Variants in KMT2C observed in about 807,000 individuals in gnomAD.
The protein encoded by KMT2C is histone-lysine N-methyltransferase 2C.
In KMT2C, 88 loss-of-function variants were observed where a neutral mutation model predicts 507.9. The observed-to-expected ratio is 0.17, with a 90% CI of 0.15 to 0.21. The LOEUF (loss-of-function observed/expected upper bound fraction) is 0.21, where lower values mean the gene tolerates loss of function less well. Ranked by LOEUF, KMT2C falls within the 10% of genes least tolerant of loss-of-function variation. The probability of loss-of-function intolerance (pLI) is 1.00; values close to 1 mark genes in which losing one functional copy is unlikely to be tolerated. For missense variants in KMT2C, 4,954 were observed against 5,957.8 expected, an observed-to-expected ratio of 0.83 and a Z score of 5.55; for synonymous variants, 2,049 against 2,080.8, an observed-to-expected ratio of 0.98 and a Z score of 0.42.
chr7:152,187,721 T>C lies in KMT2C; in HGVS notation c.4787A>G (p.Asp1596Gly). 2 of 1,612,496 alleles carry C rather than the reference T, an allele frequency of 1.2e-6. No homozygotes were observed. The highest frequency in any genetic ancestry group is 1.7e-6 in the Non-Finnish European group (2 of 1,179,676). ...FSAIAQSSYP[D>G]ARDKNSAFNP... is the part of the protein sequence containing the mutation. ...TAGAAAATAAGGCTTGTACCTGGCA[T>C]CAGGATAAGAGGATTGTGCAATTGC... The change falls in exon 32 of 59, where the codon GAT (aspartate) becomes GGT (glycine). Residue 1596 changes from aspartate to glycine, a missense_variant. Asp to Gly is a moderately conservative substitution (Grantham distance 94). Transcript: ENST00000262189.
intron 1 of KMT2C, among the ~76,000 whole-genome samples, chr7:152,377,373 G>A (rs2097337009): frequency 6.6e-6 from 1 of 151,402 alleles, no homozygotes; most frequent in African/African-American, 2.4e-5. Context: ...ATGCCTGCCA[G>A]TACGATACAT....
chr7:152,416,656 G>T (rs796261317), intron 1 of KMT2C, among the ~76,000 whole-genome samples: 1 of 150,644 alleles, frequency 6.6e-6, no homozygotes, highest in Non-Finnish European at 1.5e-5. Flanking sequence ...CTCAGGAGGC[G>T]GAGGTTGCAG....
chr7:152,410,373 T>TCGCACTCCAGCTTGGG (rs2097668461), intron 1 of KMT2C, among the ~76,000 whole-genome samples: 1 of 145,410 alleles, frequency 6.9e-6, no homozygotes, highest in Non-Finnish European at 1.5e-5. Flanking sequence ...GATCGCGCCC[T>TCGCACTCCAGCTTGGG]CGCACTCCAG....
At chr7:152,224,353 T>G in intron 19 of KMT2C, 82 bp downstream of exon 19, 1 of 1,397,210 alleles carries the variant, frequency 7.2e-7, no homozygotes, top group South Asian at 1.3e-5. Flanking sequence ...ATTAAATAGG[T>G]GTGGCTAATT....
chr7:152,241,301 G>A (rs902508829), intron 14 of KMT2C, among the ~76,000 whole-genome samples: 1 of 152,160 alleles, frequency 6.6e-6, no homozygotes, highest in African/African-American at 2.4e-5. Context: ...CCAGGTTCAA[G>A]CGATTCTCCT....
chr7:152,182,487 C>G lies in KMT2C; in HGVS notation c.5373G>C (p.Gln1791His), dbSNP rs2093465919. The change falls in exon 36 of 59, where the codon CAG becomes CAC. Residue 1791 changes from glutamine to histidine, a missense_variant. By Grantham distance (24) the Gln-to-His change is conservative (BLOSUM62 0). Coordinates refer to ENST00000262189, the MANE Select transcript of KMT2C (RefSeq NM_170606.3). ...QQQQQQQFGS[Q>H]HLLVQSGSDT... ...CTGAACCAGACTGCACCAGAAGATG[C>G]TGAGAACCAAATTGCTGTTGTTGCT... is the stretch of plus-strand genomic sequence containing the variant. The G allele has an allele frequency of 1.2e-6, 2 of 1,614,024 alleles. No homozygotes were observed. The highest frequency in any genetic ancestry group is 1.7e-6 in the Non-Finnish European group (2 of 1,179,942).
Position 152,176,798 on chromosome 7 carries a change from T to C in KMT2C, c.8655A>G (p.Glu2885=), listed in dbSNP as rs2129113672. 3 of 1,614,218 alleles carry C rather than the reference T, an allele frequency of 1.9e-6. No homozygotes were observed. Among genetic ancestry groups the C allele is most frequent in the Non-Finnish European group, 1.7e-6 (2 of 1,180,032 alleles). ...PDLFEKRTNR[E]TAGPSANVIQ... ...TGACATTTGCACTGGGGCCAGCAGT[T>C]TCTCGATTGGTTCTTTTCTCAAATA... The change falls in exon 38 of 59, where the codon GAA becomes GAG. Residue 2885 remains glutamate (E), a synonymous_variant. Coordinates refer to ENST00000262189, the MANE Select transcript of KMT2C (RefSeq NM_170606.3).
intron 28 of KMT2C, 73 bp from the exon 29 acceptor site, chr7:152,194,641 C>T (rs2093909486): frequency 1.8e-6 from 2 of 1,140,832 alleles, no homozygotes; most frequent in Non-Finnish European, 2.6e-6. Context: ...CACTATTTAC[C>T]TGTACTTAGT....
Position 152,139,780 on chromosome 7 carries a change from C to T in KMT2C, c.14355G>A (p.Leu4785=), listed in dbSNP as rs199684494. Residue 4785 remains leucine (L), a synonymous_variant, in exon 56 of 59, where the codon CTG becomes CTA. Coordinates refer to ENST00000262189, the MANE Select transcript of KMT2C (RefSeq NM_170606.3). The part of the protein sequence containing the change: ...LARSRIQGLG[L]YAARDIEKHT... ...GTTTCTCAATGTCTCGAGCAGCATACAGGCCCAGCCCCTAAAAAAAAGTGT... is the reference window on the plus strand; with the variant it reads ...GTTTCTCAATGTCTCGAGCAGCATATAGGCCCAGCCCCTAAAAAAAAGTGT... 21 of 1,613,298 alleles carry T rather than the reference C, an allele frequency of 1.3e-5. No homozygotes were observed. Among genetic ancestry groups the T allele is most frequent in the South Asian group, 1.1e-5 (1 of 91,058 alleles).
chr7:152,351,425 T>C (rs925569429), intron 2 of KMT2C, among the ~76,000 whole-genome samples: 1 of 152,134 alleles, frequency 6.6e-6, no homozygotes, highest in African/African-American at 2.4e-5. Flanking sequence ...CTATGACATA[T>C]TGAGGTGACA....
chr7:152,428,974 A>G (rs938181286), intron 1 of KMT2C, among the ~76,000 whole-genome samples: 4 of 152,172 alleles, frequency 2.6e-5, no homozygotes, highest in Admixed American at 6.6e-5. Context: ...CCTCACCACT[A>G]CACACAGCCT....
chr7:152,151,642 G>A (rs1414287948), intron 49 of KMT2C, 61 bp from the exon 50 acceptor site: 6 of 1,472,030 alleles, frequency 4.1e-6, no homozygotes, highest in Non-Finnish European at 5.6e-6. Context: ...GTGGCACATG[G>A]TGAAAAATTA....
chr7:152,181,109 G>A lies in KMT2C; in HGVS notation c.6751C>T (p.Leu2251=), dbSNP rs771211866. 1.9e-6 allele frequency: 3 copies of A among 1,614,042 alleles called. No individual in the cohort carries two copies. Among genetic ancestry groups the A allele is most frequent in the East Asian group, 2.2e-5 (1 of 44,878 alleles). ...PVLMPNQDPF[L]QAAQNRGPAL... Reference sequence around the variant, plus strand: ...GGTCCTCGGTTTTGTGCTGCTTGCAGGAAAGGATCCTGATTTGGCATGAGG... The same window carrying A: ...GGTCCTCGGTTTTGTGCTGCTTGCAAGAAAGGATCCTGATTTGGCATGAGG... The change falls in exon 36 of 59, where the codon CTG becomes TTG. Residue 2251 remains leucine, a synonymous_variant. Coordinates refer to ENST00000262189, the MANE Select transcript of KMT2C (RefSeq NM_170606.3).
intron 2 of KMT2C, 146 bp from the exon 3 acceptor site, chr7:152,330,885 G>A (rs1037644356): frequency 1.6e-5 from 11 of 686,020 alleles, no homozygotes; most frequent in African/African-American, 1.3e-4. Context: ...GTTCATGCAC[G>A]TAATTAGTGG....
chr7:152,156,021 G>C lies in KMT2C; in HGVS notation c.11849C>G (p.Pro3950Arg), dbSNP rs764256216. The change falls in exon 46 of 59, where the codon CCC (proline) becomes CGC (arginine). Residue 3950 changes from proline (P) to arginine (R), a missense_variant. By Grantham distance (103) the Pro-to-Arg change is moderately radical. Transcript: ENST00000262189. ...KTLGPKPFQL[P>R]FRPQDDLLAR... Reference sequence around the variant, plus strand: ...CAACAAGTCGTCCTGGGGTCTGAAGGGCAGCTGAAATGGTTTAGGTCCTAG... The same window carrying C: ...CAACAAGTCGTCCTGGGGTCTGAAGCGCAGCTGAAATGGTTTAGGTCCTAG... 1.9e-6 allele frequency: 3 copies of C among 1,605,530 alleles called. No homozygotes were observed. Among genetic ancestry groups the C allele is most frequent in the South Asian group, 1.1e-5 (1 of 89,446 alleles).
chr7:152,211,305 T>C (rs1289349506), intron 23 of KMT2C, among the ~76,000 whole-genome samples: 2 of 152,194 alleles, frequency 1.3e-5, no homozygotes, highest in Non-Finnish European at 1.5e-5. Context: ...TTTTCAGAAG[T>C]ATATAATGCT....
intron 6 of KMT2C, among the ~76,000 whole-genome samples, chr7:152,290,258 GTATATA>G (rs746466676): frequency 0.04 from 1,047 of 26,172 alleles, 29 homozygotes; most frequent in Non-Finnish European, 0.045. Flanking sequence ...GTGTGTATGT[GTATATA>G]TATATATATA....
At chr7:152,314,933 T>C (rs1414697234) in intron 4 of KMT2C, among the ~76,000 whole-genome samples, 1 of 152,142 alleles carries the variant, frequency 6.6e-6, no homozygotes, top group Non-Finnish European at 1.5e-5. Context: ...TATAAACTTT[T>C]TAAAAAATAA....
intron 6 of KMT2C, among the ~76,000 whole-genome samples, chr7:152,297,031 AAGAAAGAAAGAAAGAAAGAAAGACAG>A (rs2096510084): frequency 1.0e-5 from 1 of 97,430 alleles, no homozygotes; most frequent in Non-Finnish European, 2.0e-5. Flanking sequence ...GAAAGAAAGA[AAGAAAGAAAGAAAGAAAGAAAGACAG>A]AGAGAGAGAG....
Sources: gnomAD v4.1 joint callset for allele counts (sites outside exome capture counted in the v4.1 genomes callset) on GRCh38, gnomAD v4.1.1 for gene constraint, MANE v1.5 for transcripts, NCBI Gene and HGNC (gene_info 2026-07-23, HGNC 2026-07-21) for gene names.